IFT74: variants seen among roughly 807,000 people sequenced by gnomAD.
IFT74 encodes intraflagellar transport 74, also known as intraflagellar transport protein 74 homolog.
Under a neutral mutation model 96.7 loss-of-function variants are expected in IFT74, and 92 were observed. That is an observed-to-expected ratio of 0.95 (90% CI 0.80 to 1.13). IFT74 has a LOEUF of 1.13. IFT74 is among the 50% of genes most tolerant of loss of function. The probability of loss-of-function intolerance (pLI) is 0.00; values close to 1 mark genes in which losing one functional copy is unlikely to be tolerated. For missense variants in IFT74, 811 were observed against 698.2 expected, an observed-to-expected ratio of 1.16 and a Z score of -1.82; for synonymous variants, 223 against 213.2, an observed-to-expected ratio of 1.05 and a Z score of -0.40.
At position 27,011,042 on chromosome 9, in the gene IFT74, T is replaced by A. The variant is rs555822375; in HGVS notation, c.727-864T>A. ...AAGATTTCTAAGATACTGTGAAGCG[T>A]TGAAGAAAAAGTATGGCCTGGCCAA... is the stretch of plus-strand genomic sequence containing the variant. On this transcript the variant is annotated intron_variant, in intron 9 of 19. Coordinates refer to ENST00000380062, the MANE Select transcript of IFT74 (RefSeq NM_025103.4). Among the ~76,000 whole-genome samples, 140 of 152,212 alleles carry A rather than the reference T, an allele frequency of 9.2e-4. 1 individual carries two copies. The highest frequency in any genetic ancestry group is 3.2e-3 in the African/African-American group (131 of 41,552).
chr9:26,969,761 AT>A (rs1826803844), intron 2 of IFT74, among the ~76,000 whole-genome samples: 1 of 151,890 alleles, frequency 6.6e-6, no homozygotes, highest in Non-Finnish European at 1.5e-5. Flanking sequence ...TGAGTTTAAT[AT>A]TTTTATGCGT....
chr9:26,981,503 C>T (rs1005121005), intron 4 of IFT74, among the ~76,000 whole-genome samples: 2 of 152,006 alleles, frequency 1.3e-5, no homozygotes, highest in African/African-American at 4.8e-5. Context: ...CAACCTCTGT[C>T]TCCCAGGTTT....
intron 1 of IFT74, among the ~76,000 whole-genome samples, chr9:26,956,853 G>A (rs1826130152): frequency 6.6e-6 from 1 of 152,258 alleles, no homozygotes; most frequent in Non-Finnish European, 1.5e-5. Context: ...GTTGATCACA[G>A]TGCGGGCAGT....
chr9:26,980,506 C>A, intron 3 of IFT74, 65 bp from the exon 4 acceptor site: 1 of 946,570 alleles, frequency 1.1e-6, no homozygotes, highest in Non-Finnish European at 1.7e-6. Context: ...TCTGATTGTG[C>A]TTTGGATTTG....
intron 14 of IFT74, among the ~76,000 whole-genome samples, chr9:27,046,951 G>C (rs370481950): frequency 1.2e-4 from 19 of 152,258 alleles, no homozygotes; most frequent in African/African-American, 4.3e-4. Context: ...GAGGCGGGTG[G>C]ATCACGTGGT....
chr9:27,005,268 AT>A (rs978676676), intron 8 of IFT74, among the ~76,000 whole-genome samples: 10 of 148,388 alleles, frequency 6.7e-5, no homozygotes, highest in African/African-American at 2.5e-4. Context: ...TGGCTTTTAG[AT>A]TAGTGTCACT....
intron 11 of IFT74, 93 bp from the exon 12 acceptor site, chr9:27,018,554 T>C (rs1829458787): frequency 1.0e-5 from 6 of 601,846 alleles, no homozygotes; most frequent in Non-Finnish European, 1.4e-5. Flanking sequence ...TTTGACACTT[T>C]AGTACAATTG....
At chr9:26,953,986 T>C (rs143754358), upstream of IFT74, among the ~76,000 whole-genome samples, 385 of 152,326 alleles carry the variant, frequency 2.5e-3, 4 homozygotes, top group African/African-American at 8.9e-3. Context: ...GAGTACCCAC[T>C]TGCTCCCTTC....
Position 27,041,174 on chromosome 9 carries a change from A to G in IFT74, c.1055-3568A>G, listed in dbSNP as rs574441379. On this transcript the variant is annotated intron_variant, in intron 13 of 19. Transcript: ENST00000380062. ...TTGTATACTTGTCTTATTAGAGTAT[A>G]AATTCTTCAGAGGAAAATATTTTAC... 2.6e-5 allele frequency among the ~76,000 whole-genome samples: 4 copies of G among 152,338 alleles called. No individual in the cohort carries two copies. The South Asian group carries it at 6.2e-4, about 24-fold the overall frequency.
Position 27,047,362 on chromosome 9 carries a change from CTGCAGTCGAGTGAG to C in IFT74, c.1199_1206+6del. ...CCAACATTGTTGCACTCTTGGAGCA[CTGCAGTCGAGTGAG>C]TACCATGTGCCTGTCTTGGTGTCCT... On this transcript the variant is annotated splice_donor_variant and splice_donor_5th_base_variant and coding_sequence_variant and intron_variant, in exon 15 of 20. Coordinates refer to ENST00000380062, the MANE Select transcript of IFT74 (RefSeq NM_025103.4). LOFTEE classifies it high-confidence loss of function. 2 of 1,606,846 alleles carry C rather than the reference CTGCAGTCGAGTGAG, an allele frequency of 1.2e-6. No individual in the cohort carries two copies. The highest frequency in any genetic ancestry group is 1.7e-6 in the Non-Finnish European group (2 of 1,174,006).
chr9:27,037,220 C>CA (rs11354662), intron 13 of IFT74, among the ~76,000 whole-genome samples: 9,681 of 91,188 alleles, frequency 0.11, 1,087 homozygotes, highest in East Asian at 0.64. Flanking sequence ...AATCCCATCT[C>CA]AAAAAAAAAA....
chr9:26,963,630 G>A (rs1178078365), intron 2 of IFT74, among the ~76,000 whole-genome samples: 3 of 151,552 alleles, frequency 2.0e-5, no homozygotes, highest in African/African-American at 7.3e-5. Flanking sequence ...GTTGTTTCCT[G>A]ACTTTTTAAT....
chr9:26,977,636 G>A (rs1278229658), intron 2 of IFT74, among the ~76,000 whole-genome samples: 1 of 152,068 alleles, frequency 6.6e-6, no homozygotes, highest in East Asian at 1.9e-4. Context: ...TTACAGACGT[G>A]TGCCACCACG....
At chr9:27,010,976 C>T (rs1829038433) in intron 9 of IFT74, among the ~76,000 whole-genome samples, 1 of 152,202 alleles carries the variant, frequency 6.6e-6, no homozygotes, top group Non-Finnish European at 1.5e-5. Context: ...GTTTCTTAGA[C>T]ATTCCTTTGC....
intron 2 of IFT74, among the ~76,000 whole-genome samples, chr9:26,962,502 G>T (rs1287071836): frequency 1.3e-5 from 2 of 152,158 alleles, no homozygotes; most frequent in African/African-American, 2.4e-5. Flanking sequence ...ACCTCAAATA[G>T]AATCAAGCAT....
intron 18 of IFT74, among the ~76,000 whole-genome samples, chr9:27,058,305 T>C (rs1006267672): frequency 2.0e-5 from 3 of 152,148 alleles, no homozygotes; most frequent in Non-Finnish European, 2.9e-5. Flanking sequence ...CCCTGGCTAG[T>C]CTTGAACTCC....
rs778366917 is a variant in IFT74, at chr9:27,055,643, G to A, written c.1368G>A (p.Met456Ile). ...GTCTGCAGTTGGATCTGCAGAAAAT[G>A]GAGCTTCTAGAAAGTAAGATGACTG... is the stretch of plus-strand genomic sequence containing the variant. ...IQRLQLDLQKMELLESKMTEE... is the reference protein window; with the variant it reads ...IQRLQLDLQKIELLESKMTEE... The change falls in exon 17 of 20, where the codon ATG becomes ATA. Residue 456 changes from methionine (M) to isoleucine (I), a missense_variant. Transcript: ENST00000380062. 6.3e-6 allele frequency: 10 copies of A among 1,583,292 alleles called. No individual in the cohort carries two copies. Among genetic ancestry groups the A allele is most frequent in the Non-Finnish European group, 8.6e-6 (10 of 1,169,458 alleles).
At chr9:27,017,539 A>T (rs1207991882) in intron 11 of IFT74, among the ~76,000 whole-genome samples, 2 of 152,336 alleles carry the variant, frequency 1.3e-5, no homozygotes, top group East Asian at 1.9e-4. Context: ...ATTTCATAGT[A>T]ACTTAGGTGA....
intron 6 of IFT74, among the ~76,000 whole-genome samples, chr9:26,985,772 C>T (rs551628225): frequency 6.6e-6 from 1 of 152,088 alleles, no homozygotes; most frequent in Non-Finnish European, 1.5e-5. Context: ...TGTATTGGTC[C>T]TATCAGTGAT....
Sources: gnomAD v4.1 joint callset for allele counts (sites outside exome capture counted in the v4.1 genomes callset) on GRCh38, gnomAD v4.1.1 for gene constraint, MANE v1.5 for transcripts, NCBI Gene and HGNC (gene_info 2026-07-23, HGNC 2026-07-21) for gene names.